PTPRO: variants seen among roughly 807,000 people sequenced by gnomAD.
PTPRO encodes protein tyrosine phosphatase receptor type O.
A neutral mutation model predicts 145.2 loss-of-function variants in PTPRO; 62 were observed. The ratio of observed to expected loss-of-function variants is 0.43; its 90% CI spans 0.35 to 0.53. The LOEUF (loss-of-function observed/expected upper bound fraction) is 0.53. Among genes scored for constraint, PTPRO ranks in the 20% least tolerant of loss-of-function variants. The pLI is 0.01. For synonymous variants in PTPRO, 565 were observed against 514.7 expected, an observed-to-expected ratio of 1.10 and a Z score of -1.32; for missense variants, 1,345 against 1,482.7, an observed-to-expected ratio of 0.91 and a Z score of 1.53.
At chr12:15,402,939 C>G (rs12582743) in intron 1 of PTPRO, among the ~76,000 whole-genome samples, 17,456 of 152,164 alleles carry the variant, frequency 0.11, 1,488 homozygotes, top group African/African-American at 0.24. Flanking sequence ...ACCAAATGCA[C>G]TGTAGAGTCA....
intron 1 of PTPRO, among the ~76,000 whole-genome samples, chr12:15,327,511 AC>A (rs555463554): frequency 9.2e-5 from 14 of 152,296 alleles, no homozygotes; most frequent in Admixed American, 6.5e-4. Context: ...GTTTTGTCAG[AC>A]ATCACCCTTA....
At chr12:15,522,504 T>G (rs1346197940) in intron 10 of PTPRO, among the ~76,000 whole-genome samples, 1 of 151,982 alleles carries the variant, frequency 6.6e-6, no homozygotes, top group Admixed American at 6.6e-5. Flanking sequence ...AATCATTCAC[T>G]GAAGAATTTG....
At chr12:15,483,385 C>T (rs1447743911) in intron 1 of PTPRO, among the ~76,000 whole-genome samples, 2 of 152,136 alleles carry the variant, frequency 1.3e-5, no homozygotes, top group African/African-American at 4.8e-5. Context: ...TCCATCTGGT[C>T]TCTTCCTCAC....
intron 1 of PTPRO, among the ~76,000 whole-genome samples, chr12:15,340,172 G>T (rs541840928): frequency 2.6e-5 from 4 of 152,114 alleles, no homozygotes; most frequent in South Asian, 2.1e-4. Flanking sequence ...AATCATTTCA[G>T]TAATGGGCAA....
At chr12:15,544,758 AT>A (rs1174048695) in intron 12 of PTPRO, among the ~76,000 whole-genome samples, 1 of 152,224 alleles carries the variant, frequency 6.6e-6, no homozygotes, top group Non-Finnish European at 1.5e-5. Context: ...ACATAATCCT[AT>A]TAGCAAAGGC....
intron 2 of PTPRO, among the ~76,000 whole-genome samples, chr12:15,485,237 C>G (rs253851): frequency 0.02 from 3,016 of 152,172 alleles, 112 homozygotes; most frequent in East Asian, 0.14. Context: ...TCCATTGGCA[C>G]AATCCCAGGA....
intron 22 of PTPRO, 135 bp from the exon 23 acceptor site, chr12:15,581,544 T>TTGTAG: frequency 9.9e-7 from 1 of 1,009,780 alleles, no homozygotes; most frequent in Non-Finnish European, 1.4e-6. Context: ...GCAGAAATGG[T>TTGTAG]TTGCTTTATG....
At chr12:15,528,224 TA>T (rs201147093) in intron 12 of PTPRO, among the ~76,000 whole-genome samples, 43 of 144,512 alleles carry the variant, frequency 3.0e-4, no homozygotes, top group African/African-American at 6.9e-4. Context: ...TATAAGATAT[TA>T]AAAAAAAAAG....
At chr12:15,511,183 G>A (rs1299270856) in intron 7 of PTPRO, among the ~76,000 whole-genome samples, 1 of 152,160 alleles carries the variant, frequency 6.6e-6, no homozygotes, top group Non-Finnish European at 1.5e-5. Context: ...AAAATATTGG[G>A]ATGCTAAATG....
At chr12:15,517,043 T>C (rs1942614973) in intron 9 of PTPRO, 87 bp downstream of exon 9, 2 of 1,246,856 alleles carry the variant, frequency 1.6e-6, no homozygotes, top group Non-Finnish European at 2.4e-6. Flanking sequence ...AAATTATCTA[T>C]AAATTTGATT....
chr12:15,449,778 C>A (rs1042764479), intron 1 of PTPRO, among the ~76,000 whole-genome samples: 1 of 152,108 alleles, frequency 6.6e-6, no homozygotes, highest in Non-Finnish European at 1.5e-5. Flanking sequence ...TAAGATGTTA[C>A]AGTAGGGCAA....
chr12:15,569,242 T>C (rs987231244), intron 18 of PTPRO, among the ~76,000 whole-genome samples, 175 bp from the exon 19 acceptor site: 1 of 151,914 alleles, frequency 6.6e-6, no homozygotes, highest in African/African-American at 2.4e-5. Flanking sequence ...TTCTTTTCAA[T>C]TGCAATATAT....
At chr12:15,443,285 G>A (rs1213847956) in intron 1 of PTPRO, among the ~76,000 whole-genome samples, 2 of 152,072 alleles carry the variant, frequency 1.3e-5, no homozygotes, top group Non-Finnish European at 2.9e-5. Flanking sequence ...TAGCTTTCCA[G>A]CCATATGCAG....
chr12:15,545,532 A>G (rs887758471), intron 12 of PTPRO, among the ~76,000 whole-genome samples: 1 of 151,408 alleles, frequency 6.6e-6, no homozygotes, highest in Non-Finnish European at 1.5e-5. Context: ...GCAGATGACT[A>G]TTAGAATTGA....
At chr12:15,427,680 T>C (rs1014439533) in intron 1 of PTPRO, among the ~76,000 whole-genome samples, 7 of 151,938 alleles carry the variant, frequency 4.6e-5, no homozygotes, top group Non-Finnish European at 1.0e-4. Flanking sequence ...CTTACATGTA[T>C]AAATTTATTA....
intron 12 of PTPRO, among the ~76,000 whole-genome samples, chr12:15,533,314 G>A (rs764372657): frequency 7.2e-5 from 11 of 152,090 alleles, no homozygotes; most frequent in African/African-American, 1.2e-4. Context: ...ATATCAAATG[G>A]AATATTGTTT....
At chr12:15,484,364 G>A (rs1174297363) in intron 2 of PTPRO, 117 bp downstream of exon 2, 4 of 1,124,324 alleles carry the variant, frequency 3.6e-6, no homozygotes, top group Non-Finnish European at 5.3e-6. Context: ...TTAATGCCAA[G>A]TGACGTAGAT....
intron 1 of PTPRO, among the ~76,000 whole-genome samples, chr12:15,375,647 T>C: frequency 6.6e-6 from 1 of 151,292 alleles, no homozygotes; most frequent in East Asian, 2.0e-4. Context: ...TCCCAGCTAC[T>C]TGGGAAGCTG....
intron 1 of PTPRO, among the ~76,000 whole-genome samples, chr12:15,392,713 C>T (rs2136288574): frequency 9.6e-6 from 1 of 103,816 alleles, no homozygotes; most frequent in African/African-American, 3.4e-5. Context: ...AGAGTGAGAC[C>T]CTGTCTCAAA....
Sources: allele counts gnomAD v4.1 joint callset (sites outside exome capture counted in the v4.1 genomes callset), GRCh38; gene constraint gnomAD v4.1.1; transcripts MANE v1.5; gene names NCBI Gene and HGNC (gene_info 2026-07-23, HGNC 2026-07-21).